The following MACF1 variants were observed in gnomAD, a reference collection of about 807,000 sequenced individuals.
MACF1 encodes microtubule-actin cross-linking factor 1.
A neutral mutation model predicts 854.8 loss-of-function variants in MACF1; 193 were observed. The ratio of observed to expected loss-of-function variants is 0.23; its 90% CI spans 0.20 to 0.25. The LOEUF (loss-of-function observed/expected upper bound fraction) is 0.25. Ranked by LOEUF, MACF1 falls within the 10% of genes least tolerant of loss-of-function variation. The pLI is 1.00. For missense variants in MACF1, 7,722 were observed against 8,929.1 expected, an observed-to-expected ratio of 0.86 and a Z score of 5.45; for synonymous variants, 3,185 against 3,226.7, an observed-to-expected ratio of 0.99 and a Z score of 0.44.
intron 2 of MACF1, among the ~76,000 whole-genome samples, chr1:39,186,204 CTCTCTCTCTCTGTGTG>C (rs1467378717): frequency 4.0e-4 from 26 of 64,720 alleles, no homozygotes; most frequent in African/African-American, 1.1e-3. Context: ...CTCTCTCTCT[CTCTCTCTCTCTGTGTG>C]TGTGTGTGTG....
chr1:39,448,302 C>G, intron 83 of MACF1, 150 bp downstream of exon 83: 1 of 886,632 alleles, frequency 1.1e-6, no homozygotes, highest in Non-Finnish European at 1.7e-6. Context: ...CATTTTATAT[C>G]TAGATGGTCT....
In MACF1 at chr1:39,330,067, G is replaced by C. The variant is rs149701529; in HGVS notation, c.4615-1136G>C. Among the ~76,000 whole-genome samples the C allele has an allele frequency of 4.1e-4, 62 of 152,286 alleles. No individual in the cohort carries two copies. In the South Asian group the frequency reaches 5.2e-3, roughly 13 times the overall value. On this transcript the variant is annotated intron_variant, in intron 36 of 100. Transcript: ENST00000564288. ...AAAGATTCAAACAATTGTTTTCATA[G>C]GATTACTGTGAGAATTAAATGTCAG...
intron 4 of MACF1, among the ~76,000 whole-genome samples, chr1:39,253,098 A>G (rs1365219072): frequency 2.0e-5 from 3 of 152,236 alleles, no homozygotes; most frequent in East Asian, 1.9e-4. Context: ...AATATAAGCA[A>G]CGTTAGAAAG....
chr1:39,451,191 A>T lies in MACF1; in HGVS notation c.20398A>T (p.Asn6800Tyr), dbSNP rs775764189. The T allele has an allele frequency of 1.2e-6, 2 of 1,613,988 alleles. No individual in the cohort carries two copies. The highest frequency in any genetic ancestry group is 1.7e-5 in the Admixed American group (1 of 60,004). The change falls in exon 85 of 101, where the codon AAC becomes TAC. Residue 6800 changes from asparagine to tyrosine, a missense_variant. Around this residue, in one of 15 missense-constraint regions of MACF1, gnomAD observed 729 missense variants for 900.5 expected, o/e 0.81. Coordinates refer to ENST00000564288, the MANE Select transcript of MACF1 (RefSeq NM_001394062.1). The part of the protein sequence containing the change: ...PVHGDLDLVM[N>Y]LMDAHKVFQK... ...GCACGGGGACCTTGACCTCGTCATG[A>T]ACCTCATGGATGCACACAAGGTAGG...
intron 6 of MACF1, among the ~76,000 whole-genome samples, chr1:39,260,863 TAAC>T (rs1289112302): frequency 1.3e-5 from 2 of 152,166 alleles, no homozygotes; most frequent in Non-Finnish European, 2.9e-5. Context: ...ATCTTGATCT[TAAC>T]AACAGTAATG....
rs1270380448 is a variant in MACF1 at position 39,444,886 on chromosome 1, A to G, written c.19605+51A>G. 4.1e-6 allele frequency: 6 copies of G among 1,464,512 alleles called. No individual in the cohort carries two copies. In the East Asian group the frequency reaches 9.3e-5, roughly 23 times the overall value. 90.7% of individuals were successfully genotyped at this position (1,464,512 alleles called of 1,614,324 possible). ...AGTAATTTGCTGAGTGATTGCATGT[A>G]TAATAATTGCCATCTTATTTATATG... On this transcript the variant is annotated intron_variant, in intron 80 of 100. Transcript: ENST00000564288.
At chr1:39,437,464 C>T (rs1294436751) in intron 70 of MACF1, among the ~76,000 whole-genome samples, 3 of 151,994 alleles carry the variant, frequency 2.0e-5, no homozygotes, top group Non-Finnish European at 2.9e-5. Context: ...GCGTGCGCCA[C>T]CACACCCGGC....
intron 2 of MACF1, among the ~76,000 whole-genome samples, chr1:39,125,489 G>T (rs371645957): frequency 6.6e-6 from 1 of 152,202 alleles, no homozygotes; most frequent in East Asian, 1.9e-4. Context: ...CTCAATATCC[G>T]TGAGTTGTCT....
chr1:39,336,363 G>C lies in MACF1; in HGVS notation c.9775G>C (p.Val3259Leu). 6.2e-7 allele frequency: 1 copy of C among 1,614,182 alleles called. No homozygotes were observed. The highest frequency in any genetic ancestry group is 1.1e-5 in the South Asian group (1 of 91,086). Residue 3259 changes from valine (V) to leucine (L), a missense_variant, in exon 37 of 101, where the codon GTG (valine) becomes CTG (leucine). By Grantham distance (32) the Val-to-Leu change is conservative (BLOSUM62 1). Around this residue, in one of 15 missense-constraint regions of MACF1, gnomAD observed 854 missense variants for 852.6 expected, o/e 1.00. Coordinates refer to ENST00000564288, the MANE Select transcript of MACF1 (RefSeq NM_001394062.1). ...AGAAGCAGGATCCATTGAGGACATA[G>C]TGACTCAGAGAGGTTCCAGAGTCTT... ...GLEAGSIEDI[V>L]TQRGSRVLGS...
In MACF1 at chr1:39,269,694, C is replaced by T. The variant is rs564917215; in HGVS notation, c.528+11666C>T. On this transcript the variant is annotated intron_variant, in intron 6 of 100. Transcript: ENST00000564288. ...TGGCACTCTTTCTCTGGAGGCAAGC[C>T]ACACCCCATCATGGGGTCTGGAAGA... The T allele has an allele frequency of 3.1e-6, 4 of 1,289,736 alleles. No individual in the cohort carries two copies. In the South Asian group the frequency reaches 4.9e-5, roughly 16 times the overall value. 79.9% of individuals were successfully genotyped at this position (1,289,736 alleles called of 1,614,324 possible).
rs776052605 is a variant in MACF1, at chr1:39,309,550, A to G, written c.2790-20A>G. ...CTGAAGTCTTACAAAGGTAATAGTC[A>G]GGTTCTGTGTTATTTCTAGGGTCGA... On this transcript the variant is annotated intron_variant, in intron 23 of 100. Coordinates refer to ENST00000564288, the MANE Select transcript of MACF1 (RefSeq NM_001394062.1). The G allele has an allele frequency of 6.2e-7, 1 of 1,613,536 alleles. No homozygotes were observed. Among genetic ancestry groups the G allele is most frequent in the Non-Finnish European group, 8.5e-7 (1 of 1,179,804 alleles).
chr1:39,286,105 C>T (rs919574589), intron 14 of MACF1, among the ~76,000 whole-genome samples: 1 of 152,142 alleles, frequency 6.6e-6, no homozygotes, highest in Non-Finnish European at 1.5e-5. Context: ...CCTCGACTTC[C>T]TGGGCTCAAG....
In MACF1 at chr1:39,427,568, T is replaced by C. The variant is rs1372084710; in HGVS notation, c.16430T>C (p.Val5477Ala). The change falls in exon 62 of 101, where the codon GTT becomes GCT. Residue 5477 changes from valine to alanine, a missense_variant. Physicochemically the swap from Val to Ala is moderately conservative, Grantham distance 64 (BLOSUM62 0). Coordinates refer to ENST00000564288, the MANE Select transcript of MACF1 (RefSeq NM_001394062.1). ...AAAAAGCTTGCTAACTCAGAACCTG[T>C]TGGCACTCAGACTGCCAAAATACAG... ...TEKKLANSEP[V>A]GTQTAKIQQQ... is the part of the protein sequence containing the mutation. 1 of 1,614,126 alleles carries C rather than the reference T, an allele frequency of 6.2e-7. No homozygotes were observed.
At chr1:39,196,305 T>C (rs1172506667) in intron 2 of MACF1, among the ~76,000 whole-genome samples, 1 of 152,236 alleles carries the variant, frequency 6.6e-6, no homozygotes, top group African/African-American at 2.4e-5. Flanking sequence ...TTTATTGTAT[T>C]CAATGACACT....
chr1:39,145,742 T>C (rs769713039), intron 2 of MACF1, among the ~76,000 whole-genome samples: 5 of 152,222 alleles, frequency 3.3e-5, no homozygotes, highest in Non-Finnish European at 7.3e-5. Flanking sequence ...GACTGTGTGC[T>C]ATCTCTGGAT....
At chr1:39,091,388 T>C (rs1480670560) in intron 2 of MACF1, among the ~76,000 whole-genome samples, 1 of 152,182 alleles carries the variant, frequency 6.6e-6, no homozygotes, top group Non-Finnish European at 1.5e-5. Context: ...CTCAGTTTCT[T>C]ACAGTTAAAA....
chr1:39,414,472 G>A, intron 58 of MACF1: 1 of 1,614,022 alleles, frequency 6.2e-7, no homozygotes, highest in Non-Finnish European at 8.5e-7. Flanking sequence ...ATTAAATTCA[G>A]ATGAGGTAAT....
Position 39,254,149 on chromosome 1 carries a change from T to C in MACF1, c.358-149T>C, listed in dbSNP as rs948811093. 49 of 653,804 alleles carry C rather than the reference T, an allele frequency of 7.5e-5. No individual in the cohort carries two copies. In the African/African-American group the frequency reaches 8.1e-4, roughly 11 times the overall value. The allele number at this position is 653,804 out of a possible 1,614,324, so 40.5% of individuals were successfully genotyped here. The stretch of plus-strand genomic sequence containing the variant: ...GTCGAAACACGTACAGGCCTGGTCT[T>C]AGGGGGTGCTTTGTGTAATGCTCCC... On this transcript the variant is annotated intron_variant, in intron 4 of 100. Transcript: ENST00000564288.
Position 39,105,817 on chromosome 1 carries a change from G to T in MACF1, c.220+21379G>T. On this transcript the variant is annotated intron_variant, in intron 2 of 93. Coordinates refer to the MACF1 transcript ENST00000361689. The surrounding 1 kb of genome is among the most constrained non-coding windows in gnomAD (Gnocchi z 5.9). The stretch of plus-strand genomic sequence containing the variant: ...GGCTGCAGGTGGGGCGGCCGGGCGG[G>T]GTCGCACCCACCGCGCGGGGCTTGG... 1 of 927,602 alleles carries T rather than the reference G, an allele frequency of 1.1e-6. No homozygotes were observed. Among genetic ancestry groups the T allele is most frequent in the Non-Finnish European group, 1.3e-6 (1 of 775,882 alleles). The allele number at this position is 927,602 out of a possible 1,614,324, so 57.5% of individuals were successfully genotyped here. A position where few individuals can be genotyped will look rare whatever the true frequency, so the allele number is the denominator to read the frequency against.
Sources: allele counts gnomAD v4.1 joint callset (sites outside exome capture counted in the v4.1 genomes callset), GRCh38; gene constraint gnomAD v4.1.1; regional missense constraint gnomAD v4.1.1; non-coding constraint Gnocchi (gnomAD v3.1); transcripts MANE v1.5; gene names NCBI Gene and HGNC (gene_info 2026-07-23, HGNC 2026-07-21).